The following NCKAP5 variants were observed in gnomAD, a reference collection of about 807,000 sequenced individuals.
NCKAP5 encodes the protein nck-associated protein 5.
Under a neutral mutation model 167.0 loss-of-function variants are expected in NCKAP5, and 92 were observed. The observed-to-expected ratio is 0.55, with a 90% CI of 0.47 to 0.66. The LOEUF is 0.66. NCKAP5 is among the 30% of genes least tolerant of loss of function. NCKAP5 has a pLI of 0.00. For missense variants in NCKAP5, 2,378 were observed against 2,315.0 expected (o/e 1.03, Z -0.56); for synonymous variants, 891 against 877.4 (o/e 1.02, Z -0.27).
intron 5 of NCKAP5, among the ~76,000 whole-genome samples, chr2:133,181,603 C>CAAAAAAAAAAAAAAAAAAAAAAAAA (rs34264277): frequency 2.8e-5 from 2 of 71,152 alleles, no homozygotes; most frequent in African/African-American, 1.2e-4. Context: ...CCCATCTCTA[C>CAAAAAAAAAAAAAAAAAAAAAAAAA]AAAAAAAAAA....
At chr2:132,786,398 T>C (rs566791420) in intron 13 of NCKAP5, among the ~76,000 whole-genome samples, 3 of 152,316 alleles carry the variant, frequency 2.0e-5, no homozygotes, top group African/African-American at 4.8e-5. Flanking sequence ...TGGTAGACAA[T>C]AGATATCTAT....
At chr2:133,433,512 A>G (rs1025742541) in intron 3 of NCKAP5, 2 of 152,208 alleles carry the variant, frequency 1.3e-5, no homozygotes, top group Admixed American at 6.5e-5. Context: ...GTTGATAAAT[A>G]TCTTCAGAGG....
At chr2:133,129,882 C>T in intron 6 of NCKAP5, 96 bp downstream of exon 6, 1 of 1,361,534 alleles carries the variant, frequency 7.3e-7, no homozygotes, top group Non-Finnish European at 9.7e-7. Context: ...TCATCAAACA[C>T]AACAGAAGCT....
rs556018328 is a variant in NCKAP5 at position 133,462,812 on chromosome 2, G to A, written c.69+54646C>T. Among the ~76,000 whole-genome samples, 30 of 152,286 alleles carry A rather than the reference G, an allele frequency of 2.0e-4. No individual in the cohort carries two copies. The South Asian group carries it at 5.4e-3, about 27-fold the overall frequency. On this transcript the variant is annotated intron_variant, in intron 3 of 19. Transcript: ENST00000409261. ...AGAACCTCACAAGCCACAAGCATAA[G>A]AGCATGAATATGTCAATAGGCAACA...
At chr2:133,288,158 G>A (rs887049027) in intron 4 of NCKAP5, among the ~76,000 whole-genome samples, 1 of 152,118 alleles carries the variant, frequency 6.6e-6, no homozygotes, top group Non-Finnish European at 1.5e-5. Context: ...CTGAGCATGG[G>A]AATTTCAGTT....
At chr2:133,037,025 A>G (rs2079060923) in intron 6 of NCKAP5, among the ~76,000 whole-genome samples, 1 of 152,074 alleles carries the variant, frequency 6.6e-6, no homozygotes. Flanking sequence ...CTAACAGTGA[A>G]CAATGTGAAA....
At chr2:132,746,755 T>C (rs1035732729) in intron 16 of NCKAP5, among the ~76,000 whole-genome samples, 3 of 152,108 alleles carry the variant, frequency 2.0e-5, no homozygotes, top group Non-Finnish European at 4.4e-5. Flanking sequence ...TTGTGGTACA[T>C]TCATACAACA....
intron 1 of NCKAP5, among the ~76,000 whole-genome samples, chr2:133,559,602 G>A (rs1482387083): frequency 6.6e-6 from 1 of 152,114 alleles, no homozygotes; most frequent in African/African-American, 2.4e-5. Context: ...TTATAAGCGT[G>A]AGCCCCTCAC....
the NCKAP5 span, among the ~76,000 whole-genome samples, chr2:133,644,893 G>A: frequency 6.6e-6 from 1 of 152,222 alleles, no homozygotes; most frequent in Non-Finnish European, 1.5e-5. Flanking sequence ...TAACAAATAT[G>A]TTTCACTTTC....
chr2:133,448,322 C>T (rs1691336467), intron 3 of NCKAP5, among the ~76,000 whole-genome samples: 1 of 151,492 alleles, frequency 6.6e-6, no homozygotes, highest in Admixed American at 6.6e-5. Flanking sequence ...TTCCACAAAT[C>T]AAACCTTTGA....
chr2:133,183,742 C>A (rs189781827), intron 5 of NCKAP5, among the ~76,000 whole-genome samples: 2 of 152,194 alleles, frequency 1.3e-5, no homozygotes, highest in African/African-American at 2.4e-5. Context: ...TGCAATCAGG[C>A]AAGAAAGCAA....
At chr2:133,394,636 T>A (rs2151001005) in intron 3 of NCKAP5, among the ~76,000 whole-genome samples, 1 of 152,316 alleles carries the variant, frequency 6.6e-6, no homozygotes, top group African/African-American at 2.4e-5. Context: ...TGCAAATGAA[T>A]GAATGAATCA....
At chr2:133,256,098 G>A (rs778198969) in intron 4 of NCKAP5, among the ~76,000 whole-genome samples, 3 of 152,128 alleles carry the variant, frequency 2.0e-5, no homozygotes, top group Non-Finnish European at 4.4e-5. Flanking sequence ...GAAATTTTAA[G>A]TAAACCAAAG....
the NCKAP5 span, among the ~76,000 whole-genome samples, chr2:133,590,937 G>C: frequency 6.6e-6 from 1 of 152,020 alleles, no homozygotes; most frequent in South Asian, 2.1e-4. Context: ...GAGAGAGAGA[G>C]AGAGAGAGTG....
rs1687303105 is a variant in NCKAP5, at chr2:132,696,306, G to C, written c.5714-23001C>G. On this transcript the variant is annotated intron_variant, in intron 19 of 19. Coordinates refer to ENST00000409261, the MANE Select transcript of NCKAP5 (RefSeq NM_207363.3). Reference sequence around the variant, plus strand: ...TGGAGCTCACACCTACAAAAGGTTTGCTAGTATGGAGATGTTTCAATTTTT... The same window carrying C: ...TGGAGCTCACACCTACAAAAGGTTTCCTAGTATGGAGATGTTTCAATTTTT... Among the ~76,000 whole-genome samples the C allele has an allele frequency of 3.3e-5, 5 of 152,204 alleles. 1 individual carries two copies. In the South Asian group the frequency reaches 1.0e-3, roughly 31 times the overall value.
intron 5 of NCKAP5, among the ~76,000 whole-genome samples, chr2:133,144,414 AT>A (rs1176538346): frequency 2.0e-5 from 3 of 152,146 alleles, no homozygotes; most frequent in Admixed American, 6.6e-5. Context: ...TAACAAAAAA[AT>A]AATCAATTCT....
chr2:133,284,121 T>G (rs916853728), intron 4 of NCKAP5, among the ~76,000 whole-genome samples: 6 of 152,020 alleles, frequency 3.9e-5, no homozygotes, highest in African/African-American at 1.4e-4. Context: ...GTGAGTATCA[T>G]TTGTCAGAAG....
At chr2:132,837,324 T>C (rs1687962658) in intron 11 of NCKAP5, among the ~76,000 whole-genome samples, 4 of 152,132 alleles carry the variant, frequency 2.6e-5, no homozygotes, top group Admixed American at 2.6e-4. Context: ...TTATCTTCCC[T>C]CTATTTTTTT....
intron 8 of NCKAP5, among the ~76,000 whole-genome samples, chr2:132,939,150 A>T (rs749109301): frequency 2.6e-5 from 4 of 152,204 alleles, no homozygotes; most frequent in African/African-American, 4.8e-5. Flanking sequence ...CCTTTTAAAA[A>T]CACTTAAACG....
Sources: allele counts gnomAD v4.1 joint callset (sites outside exome capture counted in the v4.1 genomes callset), GRCh38; gene constraint gnomAD v4.1.1; transcripts MANE v1.5; gene names NCBI Gene and HGNC (gene_info 2026-07-23, HGNC 2026-07-21).